SMIM36: variants seen among roughly 807,000 people sequenced by gnomAD.
SMIM36 encodes small integral membrane protein 36.
chr17:55,510,457 G>A (rs11079178), intron 1 of SMIM36, among the ~76,000 whole-genome samples: 50,673 of 151,886 alleles, frequency 0.33, 10,012 homozygotes, highest in Non-Finnish European at 0.44. Flanking sequence ...AAAGACAGGC[G>A]TGGTGTCATG....
At chr17:55,488,826 A>G (rs1469783162) in intron 1 of SMIM36, among the ~76,000 whole-genome samples, 2 of 152,162 alleles carry the variant, frequency 1.3e-5, no homozygotes, top group Non-Finnish European at 2.9e-5. Flanking sequence ...TTACACATAT[A>G]TATCTGATCA....
At chr17:55,512,051 A>T (rs562939736), upstream of SMIM36, among the ~76,000 whole-genome samples, 5 of 152,364 alleles carry the variant, frequency 3.3e-5, no homozygotes, top group African/African-American at 9.6e-5. Context: ...TCGCCATTTA[A>T]GAACAGTGGA....
chr17:55,516,554 CTTTTTTTTTTTT>C, the SMIM36 span, among the ~76,000 whole-genome samples: 1 of 98,558 alleles, frequency 1.0e-5, no homozygotes. Context: ...AACAGTCTTC[CTTTTTTTTTTTT>C]TTTTTTTTTT....
At chr17:55,525,788 G>T in the SMIM36 span, among the ~76,000 whole-genome samples, 2 of 151,858 alleles carry the variant, frequency 1.3e-5, no homozygotes, top group Non-Finnish European at 2.9e-5. Flanking sequence ...CTCCTGAGTA[G>T]ATGGGTCTAC....
chr17:55,475,704 C>T lies in SMIM36; in HGVS notation c.*347+3058G>A, dbSNP rs550815999. On this transcript the variant is annotated intron_variant, in intron 3 of 4. Coordinates refer to ENST00000636752, the Ensembl canonical transcript of SMIM36. ...AATAATTACACTGAACCCCCTTGGG[C>T]ACTCTCTAATTGGATGTCCTGGGTC... 7.2e-5 allele frequency among the ~76,000 whole-genome samples: 11 copies of T among 152,346 alleles called. No homozygotes were observed. In the South Asian group the frequency reaches 2.3e-3, roughly 32 times the overall value.
At chr17:55,529,288 C>G in the SMIM36 span, among the ~76,000 whole-genome samples, 2 of 152,112 alleles carry the variant, frequency 1.3e-5, no homozygotes, top group Non-Finnish European at 2.9e-5. Flanking sequence ...CCAAATTTTG[C>G]CCAACAACTC....
chr17:55,523,543 A>C, the SMIM36 span, among the ~76,000 whole-genome samples: 1 of 151,866 alleles, frequency 6.6e-6, no homozygotes, highest in South Asian at 2.1e-4. Context: ...AAAAAAAAAA[A>C]AAAAACATGT....
chr17:55,466,616 C>T (rs533568003), intron 4 of SMIM36, among the ~76,000 whole-genome samples: 8 of 152,260 alleles, frequency 5.3e-5, no homozygotes, highest in South Asian at 2.1e-4. Context: ...TTCTTCATTT[C>T]GGAGCTCCTC....
chr17:55,518,664 GGAAATAGCTAGAAAGCAGGGTGTCAGT>G, the SMIM36 span, among the ~76,000 whole-genome samples: 1 of 152,132 alleles, frequency 6.6e-6, no homozygotes, highest in Non-Finnish European at 1.5e-5. Flanking sequence ...AAGAGAAATG[GGAAATAGCTAGAAAGCAGGGTGTCAGT>G]GAAACAAAGT....
chr17:55,467,563 A>AT (rs1187940924), intron 3 of SMIM36, among the ~76,000 whole-genome samples: 1 of 152,030 alleles, frequency 6.6e-6, no homozygotes, highest in East Asian at 1.9e-4. Flanking sequence ...TGCCCAGCTA[A>AT]TTTTTTGTAT....
the SMIM36 span, among the ~76,000 whole-genome samples, chr17:55,528,888 T>C: frequency 6.6e-6 from 1 of 152,228 alleles, no homozygotes; most frequent in Admixed American, 6.5e-5. Context: ...TTGTTTTTAC[T>C]CTTTCTGCTA....
chr17:55,529,786 G>C, the SMIM36 span, among the ~76,000 whole-genome samples: 4 of 148,210 alleles, frequency 2.7e-5, no homozygotes, highest in African/African-American at 1.1e-4. Context: ...CCCAGACCCT[G>C]TCCGAAAAAC....
chr17:55,460,667 C>T (rs1313156034), intron 4 of SMIM36, among the ~76,000 whole-genome samples: 1 of 152,054 alleles, frequency 6.6e-6, no homozygotes, highest in East Asian at 1.9e-4. Context: ...ACCATCCTGG[C>T]TAAAACGGTG....
the SMIM36 span, chr17:55,526,877 T>C: frequency 2.0e-5 from 3 of 152,234 alleles, no homozygotes; most frequent in Non-Finnish European, 4.4e-5. Flanking sequence ...GCTGGAATTA[T>C]CTGTGGGGAA....
At position 55,467,676 on chromosome 17, in the gene SMIM36, G is replaced by A. The variant is rs147060980; in HGVS notation, c.*348-348C>T. Among the ~76,000 whole-genome samples, 793 of 152,288 alleles carry A rather than the reference G, an allele frequency of 5.2e-3. 7 individuals are homozygous for A. Among genetic ancestry groups the A allele is most frequent in the African/African-American group, 0.018 (756 of 41,558 alleles). On this transcript the variant is annotated intron_variant, in intron 3 of 4. Transcript: ENST00000636752. The stretch of plus-strand genomic sequence containing the variant: ...CTCCCAAAGTGCAGGGATTGCAGGC[G>A]TGAGCCACCGCACTCGGCCAACCAT...
chr17:55,476,636 C>T lies in SMIM36; in HGVS notation c.*347+2126G>A, dbSNP rs147416380. 1.1e-4 allele frequency among the ~76,000 whole-genome samples: 17 copies of T among 151,886 alleles called. No homozygotes were observed. The East Asian group carries it at 2.5e-3, about 23-fold the overall frequency. ...CAGGTGGAGTGCAGTGGCATGAAATCGGCTCACTGCAACCTCCACCTCCCG... is the reference window on the plus strand; with the variant it reads ...CAGGTGGAGTGCAGTGGCATGAAATTGGCTCACTGCAACCTCCACCTCCCG... On this transcript the variant is annotated intron_variant, in intron 3 of 4. Transcript: ENST00000636752.
chr17:55,449,907 T>C (rs1908875852), exon 5 of SMIM36: 1 of 152,154 alleles, frequency 6.6e-6, no homozygotes, highest in African/African-American at 2.4e-5. Flanking sequence ...CACTGATAGA[T>C]AGATGCAATG....
upstream of SMIM36, among the ~76,000 whole-genome samples, chr17:55,515,355 C>G (rs1910257080): frequency 6.6e-6 from 1 of 152,034 alleles, no homozygotes; most frequent in African/African-American, 2.4e-5. Flanking sequence ...ACCTGGCAGC[C>G]TCTGGAGAAA....
the SMIM36 span, among the ~76,000 whole-genome samples, chr17:55,517,517 C>T: frequency 6.6e-6 from 1 of 152,148 alleles, no homozygotes; most frequent in Non-Finnish European, 1.5e-5. Context: ...GAGCTGAGAT[C>T]GTGCCACTGC....
Sources: allele counts gnomAD v4.1 joint callset (sites outside exome capture counted in the v4.1 genomes callset), GRCh38; gene constraint gnomAD v4.1.1; transcripts MANE v1.5; gene names NCBI Gene and HGNC (gene_info 2026-07-23, HGNC 2026-07-21).